CIB1: variants seen among roughly 807,000 people sequenced by gnomAD.
CIB1 encodes calcium and integrin-binding protein 1.
A neutral mutation model predicts 25.0 loss-of-function variants in CIB1; 19 were observed. That is an observed-to-expected ratio of 0.76 (90% confidence interval 0.53 to 1.12). The LOEUF is 1.12. Among genes scored for constraint, CIB1 ranks in the 50% most tolerant of loss-of-function variants. CIB1 has a pLI of 0.00. For synonymous variants in CIB1, 104 were observed against 98.5 expected (o/e 1.06, Z -0.33); for missense variants, 236 against 242.6 (o/e 0.97, Z 0.18).
At chr15:90,264,827 G>C in the CIB1 span, 2 of 1,535,826 alleles carry the variant, frequency 1.3e-6, no homozygotes, top group East Asian at 4.9e-5. Flanking sequence ...GGAAAGAGTG[G>C]CATCTGACTC....
At chr15:90,243,345 C>G in the CIB1 span, 1 of 151,724 alleles carries the variant, frequency 6.6e-6, no homozygotes, top group African/African-American at 2.4e-5. Context: ...ACAGTGTTGT[C>G]ACAACTTTCC....
the CIB1 span, chr15:90,253,400 G>T: frequency 6.5e-7 from 1 of 1,544,844 alleles, no homozygotes; most frequent in Non-Finnish European, 8.9e-7. Flanking sequence ...GCCGACAGGG[G>T]CTAGGGCCCC....
the CIB1 span, chr15:90,258,299 C>A: frequency 1.2e-6 from 2 of 1,606,022 alleles, no homozygotes; most frequent in Non-Finnish European, 1.7e-6. Flanking sequence ...CTTTGCAAAA[C>A]CAAGGTCCAG....
chr15:90,263,016 G>A, the CIB1 span: 1 of 1,536,024 alleles, frequency 6.5e-7, no homozygotes, highest in Admixed American at 2.0e-5. Context: ...TTGTGGAAGA[G>A]GAGGAGCTGG....
chr15:90,258,246 A>G, the CIB1 span: 1 of 1,614,220 alleles, frequency 6.2e-7, no homozygotes, highest in African/African-American at 1.3e-5. Context: ...GCTGGACCAC[A>G]AGTTGAAGCC....
the CIB1 span, among the ~76,000 whole-genome samples, chr15:90,252,043 C>G: frequency 7.5e-6 from 1 of 133,474 alleles, no homozygotes. Flanking sequence ...TCACCTAATT[C>G]TTTTTTTTTT....
chr15:90,261,987 C>G, the CIB1 span: 3 of 1,521,946 alleles, frequency 2.0e-6, no homozygotes, highest in Non-Finnish European at 2.6e-6. Flanking sequence ...TCTTGACTCA[C>G]TGAGCTTGCT....
At chr15:90,240,678 T>C in the CIB1 span, among the ~76,000 whole-genome samples, 2 of 151,776 alleles carry the variant, frequency 1.3e-5, no homozygotes, top group Non-Finnish European at 2.9e-5. Flanking sequence ...CCGGGCATGG[T>C]GGTGCCTGCC....
At chr15:90,263,525 T>C in the CIB1 span, 2 of 541,346 alleles carry the variant, frequency 3.7e-6, no homozygotes, top group South Asian at 5.5e-5. Context: ...GGGAGATAAG[T>C]AAACAGATTT....
intron 2 of CIB1, 191 bp from the exon 3 acceptor site, chr15:90,232,518 T>G: frequency 5.1e-6 from 4 of 785,682 alleles, no homozygotes; most frequent in Non-Finnish European, 5.6e-6. Flanking sequence ...AGTCTATTCT[T>G]GCAATGAGTA....
chr15:90,240,842 T>C, the CIB1 span: 7 of 1,047,742 alleles, frequency 6.7e-6, no homozygotes, highest in Non-Finnish European at 8.5e-6. Flanking sequence ...ATAAATACAA[T>C]GACAATCTCT....
chr15:90,234,193 C>T (rs1596173853), upstream of CIB1: 5 of 301,752 alleles, frequency 1.7e-5, no homozygotes, highest in Middle Eastern at 9.7e-4. Context: ...ACGCCGCGCG[C>T]GTGCGTGCTG....
chr15:90,233,912 A>G lies in CIB1; in HGVS notation c.-27T>C. 1 of 1,452,838 alleles carries G rather than the reference A, an allele frequency of 6.9e-7. No homozygotes were observed. Among genetic ancestry groups the G allele is most frequent in the Non-Finnish European group, 9.0e-7 (1 of 1,107,416 alleles). 90.0% of individuals were successfully genotyped at this position (1,452,838 alleles called of 1,614,324 possible). On this transcript the variant is annotated 5_prime_UTR_variant, in exon 1 of 7. Coordinates refer to ENST00000328649, the MANE Select transcript of CIB1 (RefSeq NM_006384.4). ...GCCCCGCCGCGCGCACAGCTCCGCC[A>G]ACTCGCCTCGAGACGCAGACAACTT...
the CIB1 span, among the ~76,000 whole-genome samples, chr15:90,264,486 G>A: frequency 6.6e-6 from 1 of 152,122 alleles, no homozygotes; most frequent in African/African-American, 2.4e-5. Context: ...AATCCTTTCT[G>A]TACACTAGAC....
chr15:90,263,114 C>T, the CIB1 span: 26 of 1,529,916 alleles, frequency 1.7e-5, no homozygotes, highest in Non-Finnish European at 2.2e-5. Flanking sequence ...CACCCTGGCC[C>T]CCAGGGCCAG....
the CIB1 span, chr15:90,245,477 A>G: frequency 6.6e-6 from 1 of 151,844 alleles, no homozygotes; most frequent in Non-Finnish European, 1.5e-5. Flanking sequence ...TGTCTCAAAA[A>G]AAAAAAAAAA....
the CIB1 span, chr15:90,259,017 T>C: frequency 1.0e-4 from 162 of 1,600,278 alleles, no homozygotes; most frequent in Non-Finnish European, 1.3e-4. Flanking sequence ...CTGGGGCTGA[T>C]TTGCTATCAA....
At chr15:90,265,572 C>G in the CIB1 span, 2 of 1,394,914 alleles carry the variant, frequency 1.4e-6, no homozygotes, top group Admixed American at 4.4e-5. Flanking sequence ...GCAGCGTGAG[C>G]CCAGATCTTA....
the CIB1 span, chr15:90,257,181 T>C: frequency 2.2e-4 from 348 of 1,613,946 alleles, no homozygotes; most frequent in Non-Finnish European, 2.7e-4. Flanking sequence ...CGAGTCTACG[T>C]CCTGATCACA....
Sources: allele counts gnomAD v4.1 joint callset (sites outside exome capture counted in the v4.1 genomes callset), GRCh38; gene constraint gnomAD v4.1.1; transcripts MANE v1.5; gene names NCBI Gene and HGNC (gene_info 2026-07-23, HGNC 2026-07-21).